NRG1: variants seen among roughly 807,000 people sequenced by gnomAD.
The protein encoded by NRG1 is pro-neuregulin-1, membrane-bound isoform.
Under a neutral mutation model 63.8 loss-of-function variants are expected in NRG1, and 18 were observed. The observed-to-expected ratio is 0.28, with a 90% CI of 0.19 to 0.42. The LOEUF is 0.42. Among genes scored for constraint, NRG1 ranks in the 10% least tolerant of loss-of-function variants. The pLI, the probability that NRG1 is intolerant of heterozygous loss-of-function variation, is 1.00. For missense variants in NRG1, 762 were observed against 814.7 expected (o/e 0.94, Z 0.79); for synonymous variants, 302 against 301.3 (o/e 1.00, Z -0.02).
chr8:31,639,564 G>T, intron 1 of NRG1: 1 of 1,440,186 alleles, frequency 6.9e-7, no homozygotes. Context: ...CCCAGCAGCC[G>T]CCGCAGCATC....
At chr8:32,129,934 T>C (rs143641745) in intron 1 of NRG1, among the ~76,000 whole-genome samples, 4 of 152,052 alleles carry the variant, frequency 2.6e-5, no homozygotes, top group African/African-American at 9.6e-5. Context: ...ATTTCTTGGA[T>C]GACAAGAAAT....
intron 1 of NRG1, among the ~76,000 whole-genome samples, chr8:32,121,370 A>G (rs1228629991): frequency 6.6e-6 from 1 of 151,396 alleles, no homozygotes; most frequent in African/African-American, 2.4e-5. Context: ...TTGGGAATCC[A>G]TGTAGGCTGA....
intron 9 of NRG1, among the ~76,000 whole-genome samples, chr8:32,757,375 T>C (rs1169898650): frequency 1.3e-5 from 2 of 152,228 alleles, no homozygotes. Context: ...GTATGGTTTT[T>C]TTAATACACA....
chr8:32,148,771 TCACAA>T (rs1447066336), intron 1 of NRG1, among the ~76,000 whole-genome samples: 1 of 152,214 alleles, frequency 6.6e-6, no homozygotes, highest in African/African-American at 2.4e-5. Context: ...CAATAAATCC[TCACAA>T]CACCCCAGTA....
At chr8:32,741,961 A>C in intron 6 of NRG1, 47 bp from the exon 7 acceptor site, 1 of 1,467,042 alleles carries the variant, frequency 6.8e-7, no homozygotes, top group Non-Finnish European at 9.6e-7. Context: ...CTGAAAGCTC[A>C]GTGTCTTTAG....
At chr8:32,743,321 C>A in intron 7 of NRG1, 2 of 658,194 alleles carry the variant, frequency 3.0e-6, no homozygotes, top group Non-Finnish European at 3.8e-6. Context: ...CATTTCACAG[C>A]AAATGAGATA....
Position 32,110,041 on chromosome 8 carries a change from A to G in NRG1, c.37+470610A>G, listed in dbSNP as rs532272036. 1.6e-4 allele frequency among the ~76,000 whole-genome samples: 24 copies of G among 152,298 alleles called. 1 individual carries two copies. In the South Asian group the frequency reaches 4.6e-3, roughly 29 times the overall value. ...GTCAGAGAGCTATTGTAAGGATTAA[A>G]GGAACTAATATTTGCAAACCCCATA... On this transcript the variant is annotated intron_variant, in intron 1 of 10. Coordinates refer to the NRG1 transcript ENST00000519301.
At chr8:32,672,165 C>G (rs1805850053) in intron 5 of NRG1, among the ~76,000 whole-genome samples, 1 of 152,208 alleles carries the variant, frequency 6.6e-6, no homozygotes, top group East Asian at 1.9e-4. Flanking sequence ...CTGCCTCAGC[C>G]TCCCAAGTAG....
chr8:31,648,124 C>CT (rs36074483), intron 1 of NRG1, among the ~76,000 whole-genome samples: 2,549 of 51,222 alleles, frequency 0.05, 716 homozygotes, highest in South Asian at 0.099. Context: ...TTTGACTACT[C>CT]TTTTTTTTTT....
intron 1 of NRG1, among the ~76,000 whole-genome samples, chr8:32,363,482 T>C (rs1587080175): frequency 6.6e-6 from 1 of 152,174 alleles, no homozygotes; most frequent in East Asian, 1.9e-4. Flanking sequence ...GGGAGTATGA[T>C]GTCACTAGTT....
At chr8:32,322,407 C>G (rs1415906435) in intron 1 of NRG1, among the ~76,000 whole-genome samples, 4 of 149,434 alleles carry the variant, frequency 2.7e-5, no homozygotes, top group African/African-American at 9.9e-5. Context: ...TTAATGTAGC[C>G]ATGGACATGG....
At chr8:31,663,164 G>A (rs1283821804) in intron 1 of NRG1, among the ~76,000 whole-genome samples, 1 of 152,184 alleles carries the variant, frequency 6.6e-6, no homozygotes, top group East Asian at 1.9e-4. Flanking sequence ...TGTAAGGGCT[G>A]TCAGTCTGCT....
At chr8:32,321,378 C>T (rs1801359659) in intron 1 of NRG1, among the ~76,000 whole-genome samples, 3 of 151,746 alleles carry the variant, frequency 2.0e-5, no homozygotes, top group South Asian at 4.2e-4. Context: ...CATGTGTTAC[C>T]TCTTTATGTT....
chr8:31,851,520 T>A (rs1423301666), intron 1 of NRG1, among the ~76,000 whole-genome samples: 3 of 152,166 alleles, frequency 2.0e-5, no homozygotes, highest in South Asian at 2.1e-4. Context: ...TTAACATTGT[T>A]TTATTAGGTG....
intron 1 of NRG1, among the ~76,000 whole-genome samples, chr8:31,657,267 T>C (rs1805519654): frequency 6.6e-6 from 1 of 152,232 alleles, no homozygotes; most frequent in African/African-American, 2.4e-5. Context: ...AAGTGTTATA[T>C]TTCTGAAAAC....
At chr8:32,236,161 GTGTT>G (rs1303662662) in intron 1 of NRG1, among the ~76,000 whole-genome samples, 8 of 151,772 alleles carry the variant, frequency 5.3e-5, no homozygotes, top group African/African-American at 1.5e-4. Context: ...GTGTGTGTGT[GTGTT>G]TGTTTTTTGT....
Position 32,322,115 on chromosome 8 carries a change from C to G in NRG1, c.38-273713C>G, listed in dbSNP as rs188177444. On this transcript the variant is annotated intron_variant, in intron 1 of 10. Coordinates refer to the NRG1 transcript ENST00000519301. ...ATCACTTGAGCCTGGCGGTTCCAGTCTGTAGTGCACAGTGATCATGCCTGT... is the reference window on the plus strand; with the variant it reads ...ATCACTTGAGCCTGGCGGTTCCAGTGTGTAGTGCACAGTGATCATGCCTGT... Among the ~76,000 whole-genome samples, 650 of 151,852 alleles carry G rather than the reference C, an allele frequency of 4.3e-3. 3 individuals are homozygous for G. Among genetic ancestry groups the G allele is most frequent in the African/African-American group, 0.015 (614 of 41,400 alleles).
chr8:32,145,387 G>T (rs1053555825), intron 1 of NRG1, among the ~76,000 whole-genome samples: 5 of 151,980 alleles, frequency 3.3e-5, no homozygotes, highest in South Asian at 2.1e-4. Flanking sequence ...TATAGACAAA[G>T]AATATATTTC....
At chr8:31,754,216 C>G (rs59672475) in intron 1 of NRG1, among the ~76,000 whole-genome samples, 31,825 of 152,004 alleles carry the variant, frequency 0.21, 3,754 homozygotes, top group Middle Eastern at 0.26. Context: ...TGTCTCTGCC[C>G]AAATCTCATG....
Sources: allele counts gnomAD v4.1 joint callset (sites outside exome capture counted in the v4.1 genomes callset), GRCh38; gene constraint gnomAD v4.1.1; transcripts MANE v1.5; gene names NCBI Gene and HGNC (gene_info 2026-07-23, HGNC 2026-07-21).